Variants in PRMT3 observed in about 807,000 individuals in gnomAD.
PRMT3 encodes the protein protein arginine N-methyltransferase 3.
In PRMT3, 62 loss-of-function variants were observed where a neutral mutation model predicts 71.9. The observed-to-expected ratio is 0.86, with a 90% CI of 0.70 to 1.07. The LOEUF is 1.07. Among genes scored for constraint, PRMT3 ranks in the 50% least tolerant of loss-of-function variants. PRMT3 has a pLI of 0.00. For synonymous variants in PRMT3, 213 were observed against 220.4 expected, an observed-to-expected ratio of 0.97 and a Z score of 0.30; for missense variants, 663 against 643.0, an observed-to-expected ratio of 1.03 and a Z score of -0.34.
At position 20,389,761 on chromosome 11, in the gene PRMT3, A is replaced by G. The variant is rs201875577; in HGVS notation, c.182A>G (p.Glu61Gly). The G allele has an allele frequency of 1.9e-6, 3 of 1,611,084 alleles. No individual in the cohort carries two copies. In the East Asian group the frequency reaches 6.7e-5, roughly 36 times the overall value. The change falls in exon 3 of 16, where the codon GAA becomes GGA. Residue 61 changes from glutamate (E) to glycine (G), a missense_variant. Coordinates refer to ENST00000331079, the MANE Select transcript of PRMT3 (RefSeq NM_005788.4). Reference protein sequence around the residue: ...LFCNRLFTSAEETFSHCKSEH... With the variant: ...LFCNRLFTSAGETFSHCKSEH... ...TTTTTCAGGTTATTCACATCTGCTG[A>G]AGAAACATTTTCACACTGTAAGTCT... is the stretch of plus-strand genomic sequence containing the variant.
intron 11 of PRMT3, among the ~76,000 whole-genome samples, chr11:20,457,874 A>G (rs993842243): frequency 3.9e-5 from 6 of 152,216 alleles, no homozygotes; most frequent in African/African-American, 1.4e-4. Flanking sequence ...GTTCAGTAAT[A>G]GAGCAGTAGT....
intron 9 of PRMT3, among the ~76,000 whole-genome samples, chr11:20,411,218 CAT>C (rs1434197175): frequency 1.3e-5 from 2 of 152,026 alleles, no homozygotes; most frequent in East Asian, 1.9e-4. Flanking sequence ...TAGGTAGAGA[CAT>C]GTGACTTATT....
intron 13 of PRMT3, among the ~76,000 whole-genome samples, chr11:20,490,220 T>C (rs1233861667): frequency 1.3e-5 from 2 of 152,066 alleles, no homozygotes; most frequent in Non-Finnish European, 2.9e-5. Flanking sequence ...GAACTGAGTA[T>C]TACTGTAAAC....
chr11:20,475,279 C>T (rs1449401134), intron 13 of PRMT3, among the ~76,000 whole-genome samples: 1 of 152,192 alleles, frequency 6.6e-6, no homozygotes, highest in Non-Finnish European at 1.5e-5. Context: ...TGAAGAGGAA[C>T]TTCTACTTTC....
intron 2 of PRMT3, among the ~76,000 whole-genome samples, chr11:20,388,878 G>A (rs536242210): frequency 6.6e-6 from 1 of 152,348 alleles, no homozygotes; most frequent in East Asian, 1.9e-4. Flanking sequence ...AAAGAGGCCC[G>A]GTTGGCATTG....
chr11:20,506,738 C>G (rs150072106), intron 15 of PRMT3, among the ~76,000 whole-genome samples: 1,561 of 152,292 alleles, frequency 0.01, 14 homozygotes, highest in Middle Eastern at 0.027. Flanking sequence ...CATGCAGATG[C>G]TAAAGCTATT....
rs376572022 is a variant in PRMT3 at position 20,388,140 on chromosome 11, C to T, written c.150C>T (p.Cys50=). ...CCCACGGCAAGCAGCAGACCCCCTG[C>T]CTGTTCTGTAACAGGTTCGTCCGCC... is the stretch of plus-strand genomic sequence containing the variant. ...DLPHGKQQTP[C]LFCNRLFTSA... Residue 50 remains cysteine (C), a synonymous_variant, in exon 2 of 16, where the codon TGC becomes TGT. Transcript: ENST00000331079. The T allele has an allele frequency of 5.0e-5, 80 of 1,613,866 alleles. No individual in the cohort carries two copies. Among genetic ancestry groups the T allele is most frequent in the Middle Eastern group, 1.6e-4 (1 of 6,084 alleles).
intron 15 of PRMT3, among the ~76,000 whole-genome samples, chr11:20,504,739 AGAGAGAGC>A (rs1851547140): frequency 6.6e-6 from 1 of 150,606 alleles, no homozygotes; most frequent in African/African-American, 2.4e-5. Flanking sequence ...AGAGAGAGAG[AGAGAGAGC>A]GAGAGCGACT....
intron 11 of PRMT3, among the ~76,000 whole-genome samples, chr11:20,460,986 C>A (rs1299471690): frequency 1.3e-5 from 2 of 152,170 alleles, no homozygotes; most frequent in African/African-American, 4.8e-5. Context: ...ACATTGCATT[C>A]CAGGTGGTTT....
intron 8 of PRMT3, chr11:20,407,202 A>G (rs1270056994): frequency 6.6e-6 from 1 of 151,972 alleles, no homozygotes; most frequent in Non-Finnish European, 1.5e-5. Context: ...TAAATTCCAC[A>G]CTGATCTTTT....
intron 8 of PRMT3, chr11:20,407,294 AT>A (rs755334178): frequency 3.3e-5 from 5 of 151,942 alleles, no homozygotes; most frequent in Non-Finnish European, 5.9e-5. Flanking sequence ...TATTGTGTAT[AT>A]TTTTCTATTT....
chr11:20,508,321 A>G lies in PRMT3; in HGVS notation c.1504A>G (p.Lys502Glu). Residue 502 changes from lysine to glutamate, a missense_variant, in exon 16 of 16, where the codon AAG (lysine) becomes GAG (glutamate). By Grantham distance (56) the Lys-to-Glu change is moderately conservative. Coordinates refer to ENST00000331079, the MANE Select transcript of PRMT3 (RefSeq NM_005788.4). The part of the protein sequence containing the change: ...SVKAGEALKG[K>E]VTVHKNKKDP... ...TTTTACAGGTGAAGCCTTGAAAGGA[A>G]AGGTCACAGTTCACAAGAATAAGAA... 2 of 1,607,930 alleles carry G rather than the reference A, an allele frequency of 1.2e-6. No individual in the cohort carries two copies. The highest frequency in any genetic ancestry group is 1.1e-5 in the South Asian group (1 of 90,872).
At chr11:20,392,798 C>T (rs1236135909) in intron 4 of PRMT3, 99 bp from the exon 5 acceptor site, 5 of 783,796 alleles carry the variant, frequency 6.4e-6, no homozygotes, top group Non-Finnish European at 1.1e-5. Flanking sequence ...TTGTGTAATG[C>T]AAACATGATT....
intron 13 of PRMT3, among the ~76,000 whole-genome samples, chr11:20,465,990 T>C (rs1426043982): frequency 6.6e-6 from 1 of 152,164 alleles, no homozygotes; most frequent in Non-Finnish European, 1.5e-5. Flanking sequence ...ATGTCACCAG[T>C]ATTAAATATA....
chr11:20,452,169 C>G lies in PRMT3; in HGVS notation c.1033C>G (p.Leu345Val), dbSNP rs1850165035. Reference sequence around the variant, plus strand: ...GTTTGAGTCTATGTTAGATTCTGTCCTTTATGCAAAGAACAAATACTTGGC... The same window carrying G: ...GTTTGAGTCTATGTTAGATTCTGTCGTTTATGCAAAGAACAAATACTTGGC... ...LLFESMLDSV[L>V]YAKNKYLAKG... The change falls in exon 11 of 16, where the codon CTT (leucine) becomes GTT (valine). Residue 345 changes from leucine (L) to valine (V), a missense_variant. By Grantham distance (32) the Leu-to-Val change is conservative. Transcript: ENST00000331079. 6.2e-7 allele frequency: 1 copy of G among 1,610,800 alleles called. No individual in the cohort carries two copies. The highest frequency in any genetic ancestry group is 1.7e-5 in the Admixed American group (1 of 59,932).
At position 20,469,708 on chromosome 11, in the gene PRMT3, T is replaced by G. The variant is rs188705611; in HGVS notation, c.1347+5162T>G. On this transcript the variant is annotated intron_variant, in intron 13 of 15. Transcript: ENST00000331079. The stretch of plus-strand genomic sequence containing the variant: ...CATGTCATCACCCAAAATTTTAGAT[T>G]TTGGAGCATTTCAGGTTTTCAGATT... Among the ~76,000 whole-genome samples, 34 of 152,290 alleles carry G rather than the reference T, an allele frequency of 2.2e-4. 1 individual carries two copies. In the East Asian group the frequency reaches 6.6e-3, roughly 29 times the overall value.
intron 11 of PRMT3, among the ~76,000 whole-genome samples, chr11:20,460,866 A>C (rs560246383): frequency 1.3e-5 from 2 of 152,152 alleles, no homozygotes; most frequent in Non-Finnish European, 2.9e-5. Context: ...CCTTGAATAC[A>C]TCTCATCCTT....
chr11:20,402,892 C>G, intron 7 of PRMT3, 27 bp from the exon 8 acceptor site: 4 of 1,565,558 alleles, frequency 2.6e-6, no homozygotes, highest in Non-Finnish European at 3.5e-6. Flanking sequence ...GTCCTATAAA[C>G]ACAGCGTTTT....
chr11:20,497,267 G>A (rs993453758), intron 15 of PRMT3, among the ~76,000 whole-genome samples: 2 of 152,144 alleles, frequency 1.3e-5, no homozygotes, highest in African/African-American at 2.4e-5. Flanking sequence ...ACTGGTTTGT[G>A]CTTTGCTCTT....
Sources: gnomAD v4.1 joint callset for allele counts (sites outside exome capture counted in the v4.1 genomes callset) on GRCh38, gnomAD v4.1.1 for gene constraint, MANE v1.5 for transcripts, NCBI Gene and HGNC (gene_info 2026-07-23, HGNC 2026-07-21) for gene names.